Variants in NR5A2 observed in about 807,000 individuals in gnomAD.
The protein encoded by NR5A2 is CYP7A promoter-binding factor.
A neutral mutation model predicts 62.7 loss-of-function variants in NR5A2; 26 were observed. The observed-to-expected ratio is 0.41, with a 90% CI of 0.30 to 0.58. The LOEUF (loss-of-function observed/expected upper bound fraction) is 0.58. Among genes scored for constraint, NR5A2 ranks in the 20% least tolerant of loss-of-function variants. The probability of loss-of-function intolerance (pLI) is 0.22; values close to 1 mark genes in which losing one functional copy is unlikely to be tolerated. For missense variants in NR5A2, 541 were observed against 669.1 expected, an observed-to-expected ratio of 0.81 and a Z score of 2.11; for synonymous variants, 246 against 241.7, an observed-to-expected ratio of 1.02 and a Z score of -0.16.
intron 5 of NR5A2, among the ~76,000 whole-genome samples, chr1:200,049,045 CAT>C (rs1484688110): frequency 6.6e-6 from 1 of 151,998 alleles, no homozygotes; most frequent in East Asian, 1.9e-4. Flanking sequence ...TGGCATTTAA[CAT>C]AAAGTATAGG....
chr1:200,121,420 A>G lies in NR5A2; in HGVS notation c.1378+465A>G, dbSNP rs968362297. ...CTGTATTTAAATCTCTATCGGGATT[A>G]ACTAGAGAATGTTTATAACCAGATG... On this transcript the variant is annotated intron_variant, in intron 7 of 7. Coordinates refer to ENST00000367362, the MANE Select transcript of NR5A2 (RefSeq NM_205860.3). Among the ~76,000 whole-genome samples, 4 of 152,352 alleles carry G rather than the reference A, an allele frequency of 2.6e-5. No homozygotes were observed. The East Asian group carries it at 5.8e-4, about 22-fold the overall frequency.
At chr1:200,053,901 A>G (rs777395180) in intron 5 of NR5A2, among the ~76,000 whole-genome samples, 6 of 151,792 alleles carry the variant, frequency 4.0e-5, no homozygotes, top group Non-Finnish European at 5.9e-5. Context: ...CGGATAGTTT[A>G]CTCTCCAGGT....
chr1:200,069,710 A>G lies in NR5A2; in HGVS notation c.1110+20892A>G, dbSNP rs111353548. ...CATACTGCAGAAATTTAATTTTTCTATTCGTAAAAGGAATCACATTAAAAA... is the reference window on the plus strand; with the variant it reads ...CATACTGCAGAAATTTAATTTTTCTGTTCGTAAAAGGAATCACATTAAAAA... On this transcript the variant is annotated intron_variant, in intron 5 of 7. Transcript: ENST00000367362. Among the ~76,000 whole-genome samples the G allele has an allele frequency of 2.6e-3, 399 of 152,356 alleles. 1 individual carries two copies. Among genetic ancestry groups the G allele is most frequent in the African/African-American group, 8.9e-3 (372 of 41,576 alleles).
chr1:200,044,460 A>G (rs1662266231), intron 3 of NR5A2: 1 of 152,052 alleles, frequency 6.6e-6, no homozygotes, highest in Non-Finnish European at 1.5e-5. Context: ...TATATGACCT[A>G]TTTAAGTGCA....
chr1:200,123,786 G>A (rs1191008278), intron 7 of NR5A2, among the ~76,000 whole-genome samples: 1 of 137,858 alleles, frequency 7.3e-6, no homozygotes, highest in Non-Finnish European at 1.6e-5. Flanking sequence ...CTGGCATGCT[G>A]TGATTTATTT....
chr1:200,138,018 A>G (rs1667301432), intron 7 of NR5A2, among the ~76,000 whole-genome samples: 1 of 152,148 alleles, frequency 6.6e-6, no homozygotes, highest in East Asian at 1.9e-4. Flanking sequence ...GGATTTAAAA[A>G]CAGGTTGATG....
At chr1:200,163,106 A>G (rs907276360) in intron 7 of NR5A2, among the ~76,000 whole-genome samples, 1 of 152,240 alleles carries the variant, frequency 6.6e-6, no homozygotes, top group African/African-American at 2.4e-5. Context: ...TACAAGCCAA[A>G]GCACCCAGCC....
intron 3 of NR5A2, chr1:200,044,489 A>G (rs1336768128): frequency 6.6e-6 from 1 of 152,086 alleles, no homozygotes; most frequent in South Asian, 2.1e-4. Flanking sequence ...AATATGTAAA[A>G]TATGCTATAT....
At chr1:200,100,040 G>C (rs1665293279) in intron 5 of NR5A2, among the ~76,000 whole-genome samples, 1 of 152,168 alleles carries the variant, frequency 6.6e-6, no homozygotes, top group African/African-American at 2.4e-5. Context: ...CAACCCAGAG[G>C]AAAATATATC....
At chr1:200,045,805 C>T (rs967493753) in intron 4 of NR5A2, among the ~76,000 whole-genome samples, 8 of 152,034 alleles carry the variant, frequency 5.3e-5, no homozygotes, top group African/African-American at 1.9e-4. Flanking sequence ...GTTGTCTTTC[C>T]CCTGCCCACC....
rs1664814877 is a variant in NR5A2, at chr1:200,091,531, T to C, written c.1111-19671T>C. 2.1e-5 allele frequency among the ~76,000 whole-genome samples: 3 copies of C among 146,032 alleles called. No homozygotes were observed. In the Admixed American group the frequency reaches 2.2e-4, roughly 11 times the overall value. ...ACAGAGTCTTGCTCTGTCACCCAGG[T>C]GGGAGTGCAGTGGCGTGATCTCGGC... is the stretch of plus-strand genomic sequence containing the variant. On this transcript the variant is annotated intron_variant, in intron 5 of 7. Coordinates refer to ENST00000367362, the MANE Select transcript of NR5A2 (RefSeq NM_205860.3).
chr1:200,159,330 G>A (rs1314271443), intron 7 of NR5A2, among the ~76,000 whole-genome samples: 3 of 152,140 alleles, frequency 2.0e-5, no homozygotes, highest in Non-Finnish European at 4.4e-5. Context: ...AGGTTCTCCA[G>A]ATGTTTCCCT....
Position 200,101,247 on chromosome 1 carries a change from A to T in NR5A2, c.1111-9955A>T, listed in dbSNP as rs531513019. Among the ~76,000 whole-genome samples, 3 of 152,256 alleles carry T rather than the reference A, an allele frequency of 2.0e-5. No homozygotes were observed. The South Asian group carries it at 6.2e-4, about 32-fold the overall frequency. ...TATAAGTTCCTTGAGGATAACAACT[A>T]GGTGTTATATTCATTCAAGTCTTGA... On this transcript the variant is annotated intron_variant, in intron 5 of 7. Transcript: ENST00000367362.
At chr1:200,170,162 A>G (rs1293359916) in intron 7 of NR5A2, among the ~76,000 whole-genome samples, 4 of 152,206 alleles carry the variant, frequency 2.6e-5, no homozygotes, top group African/African-American at 7.2e-5. Flanking sequence ...GACTCCTGCT[A>G]TAGATGAGTT....
intron 6 of NR5A2, among the ~76,000 whole-genome samples, chr1:200,118,381 G>A (rs993142188): frequency 6.6e-6 from 1 of 152,132 alleles, no homozygotes; most frequent in Admixed American, 6.5e-5. Context: ...AGCGCATTCC[G>A]TTGATTCCAA....
At chr1:200,114,227 TATATATACAC>T (rs980519067) in intron 6 of NR5A2, among the ~76,000 whole-genome samples, 1 of 44,918 alleles carries the variant, frequency 2.2e-5, no homozygotes, top group African/African-American at 6.4e-5. Context: ...GATATATATA[TATATATACAC>T]ACACACACAT....
intron 7 of NR5A2, among the ~76,000 whole-genome samples, chr1:200,159,983 C>T (rs1653569910): frequency 6.6e-6 from 1 of 152,156 alleles, no homozygotes; most frequent in Non-Finnish European, 1.5e-5. Flanking sequence ...TGTTCTGCTG[C>T]TCTTTAGTTT....
intron 1 of NR5A2, among the ~76,000 whole-genome samples, chr1:200,035,584 G>C (rs1423167221): frequency 6.6e-6 from 1 of 152,174 alleles, no homozygotes; most frequent in Non-Finnish European, 1.5e-5. Flanking sequence ...CTCGCGAGTG[G>C]GGAGTGCGAG....
chr1:200,051,539 G>A (rs1170599992), intron 5 of NR5A2, among the ~76,000 whole-genome samples: 1 of 152,160 alleles, frequency 6.6e-6, no homozygotes, highest in Admixed American at 6.5e-5. Context: ...AAAAGGAAAA[G>A]GGAAAAAAGT....
Sources: allele counts gnomAD v4.1 joint callset (sites outside exome capture counted in the v4.1 genomes callset), GRCh38; gene constraint gnomAD v4.1.1; transcripts MANE v1.5; gene names NCBI Gene and HGNC (gene_info 2026-07-23, HGNC 2026-07-21).